The following ST18 variants were observed in gnomAD, a reference collection of about 807,000 sequenced individuals.
ST18 encodes ST18 C2H2C-type zinc finger transcription factor.
In ST18, 50 loss-of-function variants were observed where a neutral mutation model predicts 110.0. The observed-to-expected ratio is 0.45, with a 90% confidence interval of 0.36 to 0.58. The LOEUF (loss-of-function observed/expected upper bound fraction) is 0.58, where lower values mean the gene tolerates loss of function less well. ST18 is among the 20% of genes least tolerant of loss of function. The pLI is 0.00. For missense variants in ST18, 1,306 were observed against 1,280.1 expected, an observed-to-expected ratio of 1.02 and a Z score of -0.31; for synonymous variants, 461 against 452.4, an observed-to-expected ratio of 1.02 and a Z score of -0.24.
chr8:52,182,335 T>G (rs990640674), intron 8 of ST18, among the ~76,000 whole-genome samples: 3 of 152,214 alleles, frequency 2.0e-5, no homozygotes, highest in Non-Finnish European at 4.4e-5. Context: ...CAGTTTTCTA[T>G]GTTCATTGAA....
At chr8:52,293,764 T>C (rs936409737) in intron 2 of ST18, among the ~76,000 whole-genome samples, 3 of 152,226 alleles carry the variant, frequency 2.0e-5, no homozygotes, top group African/African-American at 7.2e-5. Flanking sequence ...ATGATTATCA[T>C]GCAGACTAAA....
At chr8:52,152,506 T>G (rs1294423596) in intron 15 of ST18, among the ~76,000 whole-genome samples, 1 of 152,254 alleles carries the variant, frequency 6.6e-6, no homozygotes, top group Non-Finnish European at 1.5e-5. Context: ...CTATTCATGT[T>G]CTTTCCGACT....
At chr8:52,136,209 C>T (rs562702569) in intron 19 of ST18, among the ~76,000 whole-genome samples, 9 of 152,066 alleles carry the variant, frequency 5.9e-5, no homozygotes, top group South Asian at 4.1e-4. Context: ...GGCAGTTGTA[C>T]GAATCAAAAT....
At chr8:52,228,170 T>C (rs933299297) in intron 3 of ST18, among the ~76,000 whole-genome samples, 2 of 152,190 alleles carry the variant, frequency 1.3e-5, no homozygotes, top group Non-Finnish European at 2.9e-5. Context: ...AGAGCAAGTG[T>C]GAAGTGTAAT....
intron 15 of ST18, among the ~76,000 whole-genome samples, chr8:52,150,259 T>C (rs2058473997): frequency 1.2e-5 from 1 of 86,412 alleles, no homozygotes; most frequent in African/African-American, 9.6e-5. Flanking sequence ...TTTATGAAAA[T>C]GTGTGTGTGT....
At position 52,125,852 on chromosome 8, in the gene ST18, C is replaced by G. The variant is rs77609305; in HGVS notation, c.2755+200G>C. 1.1e-3 allele frequency: 593 copies of G among 543,676 alleles called. 4 individuals are homozygous for G. The highest frequency in any genetic ancestry group is 1.0e-2 in the African/African-American group (528 of 52,916). 33.7% of individuals were successfully genotyped at this position (543,676 alleles called of 1,614,324 possible). A position where few individuals can be genotyped will look rare whatever the true frequency, so the allele number is the denominator to read the frequency against. On this transcript the variant is annotated intron_variant, in intron 23 of 25. Transcript: ENST00000689386. ...CTGACTTTCTCTGTTGGAGATCACT[C>G]CTTATTTAAAAATAAGGAAAACACC...
chr8:52,218,816 C>G (rs974024811), intron 5 of ST18, among the ~76,000 whole-genome samples: 1 of 152,012 alleles, frequency 6.6e-6, no homozygotes, highest in Admixed American at 6.6e-5. Flanking sequence ...GTGGTTCTGT[C>G]GCTGTGTTAC....
At chr8:52,314,168 G>A (rs577182803) in intron 2 of ST18, among the ~76,000 whole-genome samples, 42 of 152,190 alleles carry the variant, frequency 2.8e-4, no homozygotes, top group Admixed American at 2.1e-3. Context: ...CCACTTGCTC[G>A]CCCTTTTGTC....
chr8:52,238,036 T>G (rs2092920505), intron 2 of ST18, among the ~76,000 whole-genome samples: 1 of 152,170 alleles, frequency 6.6e-6, no homozygotes. Context: ...CCCATTAAGA[T>G]GGCTAAAATA....
intron 23 of ST18, among the ~76,000 whole-genome samples, chr8:52,121,699 A>G (rs2044878547): frequency 1.3e-5 from 2 of 152,198 alleles, no homozygotes; most frequent in South Asian, 4.1e-4. Flanking sequence ...CCATGAAAAT[A>G]CTATCTTTAT....
chr8:52,144,083 T>A (rs1164289731), intron 16 of ST18, among the ~76,000 whole-genome samples: 1 of 152,160 alleles, frequency 6.6e-6, no homozygotes, highest in Non-Finnish European at 1.5e-5. Context: ...CTTGATTTCA[T>A]AAAGAAGATT....
intron 13 of ST18, among the ~76,000 whole-genome samples, chr8:52,163,386 A>T (rs2133284395): frequency 6.6e-6 from 1 of 152,326 alleles, no homozygotes; most frequent in South Asian, 2.1e-4. Context: ...GGCAATAAAC[A>T]TATAACTTTA....
intron 2 of ST18, among the ~76,000 whole-genome samples, chr8:52,385,144 A>G (rs1419603341): frequency 6.6e-6 from 1 of 152,200 alleles, no homozygotes; most frequent in Non-Finnish European, 1.5e-5. Context: ...GTTCTGATTG[A>G]CGAGACTGAA....
intron 9 of ST18, among the ~76,000 whole-genome samples, chr8:52,176,173 C>G (rs2066865923): frequency 6.6e-6 from 1 of 151,962 alleles, no homozygotes; most frequent in Non-Finnish European, 1.5e-5. Flanking sequence ...AAGCAAACAC[C>G]ACCGCATCCG....
chr8:52,326,626 A>G (rs1409705411), intron 2 of ST18, among the ~76,000 whole-genome samples: 1 of 152,218 alleles, frequency 6.6e-6, no homozygotes, highest in African/African-American at 2.4e-5. Context: ...TAAAATGTAT[A>G]TTTCAAAGCT....
chr8:52,257,657 G>C (rs77697730), intron 2 of ST18, among the ~76,000 whole-genome samples: 12,480 of 151,934 alleles, frequency 0.082, 1,111 homozygotes, highest in African/African-American at 0.21. Flanking sequence ...TTGAGTTGTA[G>C]ATGCTCTTTC....
At chr8:52,354,564 G>A (rs181060650) in intron 2 of ST18, among the ~76,000 whole-genome samples, 59 of 152,268 alleles carry the variant, frequency 3.9e-4, no homozygotes, top group African/African-American at 1.0e-3. Context: ...GTTTGAATTC[G>A]CAAGAGAAGT....
At chr8:52,249,496 GAGCTGCTA>G (rs1179944653) in intron 2 of ST18, 1 of 152,122 alleles carries the variant, frequency 6.6e-6, no homozygotes, top group Non-Finnish European at 1.5e-5. Context: ...ATACTCTAGT[GAGCTGCTA>G]AGCTTTTTTT....
At chr8:52,330,703 T>C (rs910189389) in intron 2 of ST18, among the ~76,000 whole-genome samples, 1 of 152,224 alleles carries the variant, frequency 6.6e-6, no homozygotes, top group Non-Finnish European at 1.5e-5. Context: ...TGTGCTCACC[T>C]GGCAGGTGAT....
Sources: allele counts gnomAD v4.1 joint callset (sites outside exome capture counted in the v4.1 genomes callset), GRCh38; gene constraint gnomAD v4.1.1; transcripts MANE v1.5; gene names NCBI Gene and HGNC (gene_info 2026-07-23, HGNC 2026-07-21).